Variants in MICU3 observed in about 807,000 individuals in gnomAD.
MICU3 encodes calcium uptake protein 3, mitochondrial.
In MICU3, 62 loss-of-function variants were observed where a neutral mutation model predicts 66.5. The observed-to-expected ratio is 0.93, with a 90% CI of 0.76 to 1.15. The LOEUF (loss-of-function observed/expected upper bound fraction) is 1.15. Ranked by LOEUF, MICU3 falls within the 50% of genes most tolerant of loss-of-function variation. MICU3 has a pLI of 0.00. For synonymous variants in MICU3, 308 were observed against 240.7 expected (o/e 1.28, Z -2.59); for missense variants, 779 against 664.4 (o/e 1.17, Z -1.90).
intron 1 of MICU3, among the ~76,000 whole-genome samples, chr8:17,062,536 G>T (rs1019525162): frequency 6.6e-6 from 1 of 152,156 alleles, no homozygotes; most frequent in Non-Finnish European, 1.5e-5. Context: ...CGTTTAATAA[G>T]ATGTAACTTA....
chr8:17,031,530 G>T (rs554633372), intron 1 of MICU3, among the ~76,000 whole-genome samples: 1 of 151,570 alleles, frequency 6.6e-6, no homozygotes, highest in East Asian at 1.9e-4. Context: ...CTCAAGTTCC[G>T]CCTGCCTCAG....
chr8:17,034,846 A>G (rs949952699), intron 1 of MICU3, among the ~76,000 whole-genome samples: 5 of 152,246 alleles, frequency 3.3e-5, no homozygotes, highest in Admixed American at 1.3e-4. Flanking sequence ...TGCTGTGAAC[A>G]TTGTTGAAAT....
At chr8:17,128,263 C>T in the MICU3 span, among the ~76,000 whole-genome samples, 1 of 149,866 alleles carries the variant, frequency 6.7e-6, no homozygotes, top group East Asian at 1.9e-4. Flanking sequence ...CACACACACA[C>T]ACACACCAGA....
chr8:17,064,178 G>A lies in MICU3; in HGVS notation c.476G>A (p.Gly159Glu), dbSNP rs151288641. Residue 159 changes from glycine (G) to glutamate (E), a missense_variant, in exon 2 of 15, where the codon GGG becomes GAG. By Grantham distance (98) the Gly-to-Glu change is moderately conservative. Coordinates refer to ENST00000318063, the MANE Select transcript of MICU3 (RefSeq NM_181723.3). ...FRLFASIECE[G>E]QLFMTPYDFI... ...TTATTTGCTTCTATAGAATGTGAAG[G>A]GCAGTTATTCATGACTCCGTATGAT... The A allele has an allele frequency of 8.2e-5, 132 of 1,612,920 alleles. No homozygotes were observed. In the Admixed American group the frequency reaches 2.2e-3, roughly 26 times the overall value.
chr8:17,092,910 T>C (rs1800229871), intron 8 of MICU3, among the ~76,000 whole-genome samples: 1 of 152,080 alleles, frequency 6.6e-6, no homozygotes, highest in Non-Finnish European at 1.5e-5. Context: ...AAGAGATTTA[T>C]AAGAGCCAGT....
chr8:17,120,197 T>C (rs1803093016), intron 14 of MICU3, 91 bp from the exon 15 acceptor site: 1 of 135,198 alleles, frequency 7.4e-6, no homozygotes, highest in Non-Finnish European at 1.6e-5. Context: ...ATTCCTTACG[T>C]TTCATATTAT....
chr8:17,027,600 C>A lies in MICU3; in HGVS notation c.321C>A (p.Pro107=), dbSNP rs943706903. ...CCTCAAAGAGCGCGGCCACGGAGCC[C>A]GAGGACCCGCCCCGCGGCCGGGGGA... The part of the protein sequence containing the change: ...GRPSKSAATE[P]EDPPRGRGML... Residue 107 remains proline (P), a synonymous_variant, in exon 1 of 15, where the codon CCC becomes CCA. Transcript: ENST00000318063. 1 of 1,302,470 alleles carries A rather than the reference C, an allele frequency of 7.7e-7. No individual in the cohort carries two copies. The highest frequency in any genetic ancestry group is 9.7e-7 in the Non-Finnish European group (1 of 1,029,304). The allele number at this position is 1,302,470 out of a possible 1,614,324, so 80.7% of individuals were successfully genotyped here.
intron 1 of MICU3, among the ~76,000 whole-genome samples, chr8:17,037,675 C>G (rs570565347): frequency 3.9e-5 from 6 of 152,180 alleles, no homozygotes; most frequent in Non-Finnish European, 8.8e-5. Context: ...GGCCACCATC[C>G]TCCAGACCCC....
chr8:17,091,916 T>C (rs981739534), intron 8 of MICU3, among the ~76,000 whole-genome samples: 2 of 152,096 alleles, frequency 1.3e-5, no homozygotes, highest in African/African-American at 4.8e-5. Context: ...TTTTGCTCTG[T>C]CGCCCAGCTG....
At chr8:17,094,546 C>T (rs562582113) in intron 8 of MICU3, among the ~76,000 whole-genome samples, 5 of 152,044 alleles carry the variant, frequency 3.3e-5, no homozygotes, top group African/African-American at 9.6e-5. Flanking sequence ...GCTGGTTTCT[C>T]GTAGCTGTTT....
At chr8:17,090,682 T>G (rs766272025) in intron 8 of MICU3, 98 bp downstream of exon 8, 1 of 901,174 alleles carries the variant, frequency 1.1e-6, no homozygotes. Context: ...TGCTGTTTAC[T>G]AATAGAATGT....
the MICU3 span, chr8:17,132,599 C>T: frequency 6.6e-6 from 1 of 152,186 alleles, no homozygotes; most frequent in East Asian, 1.9e-4. Flanking sequence ...TAGAGCAATC[C>T]ACCTTTCTGC....
chr8:17,079,521 T>A (rs887153071), intron 4 of MICU3, among the ~76,000 whole-genome samples: 3 of 152,100 alleles, frequency 2.0e-5, no homozygotes, highest in Admixed American at 6.6e-5. Context: ...TATTGAAGAC[T>A]AATTTTATTT....
chr8:17,041,522 G>T (rs902585929), intron 1 of MICU3, among the ~76,000 whole-genome samples: 1 of 152,098 alleles, frequency 6.6e-6, no homozygotes, highest in Admixed American at 6.5e-5. Flanking sequence ...AGTGAGGTAA[G>T]TGTTGACAGC....
chr8:17,031,866 T>C (rs1001162451), intron 1 of MICU3, among the ~76,000 whole-genome samples: 1 of 152,174 alleles, frequency 6.6e-6, no homozygotes, highest in Non-Finnish European at 1.5e-5. Flanking sequence ...CCTGACTCTA[T>C]AGATTTGTTG....
chr8:17,113,412 A>C (rs1802386330), intron 11 of MICU3, among the ~76,000 whole-genome samples: 1 of 152,252 alleles, frequency 6.6e-6, no homozygotes, highest in Non-Finnish European at 1.5e-5. Context: ...CTGAAGTAAC[A>C]GCAGTGGCAA....
chr8:17,095,476 T>C lies in MICU3; in HGVS notation c.889-2982T>C, dbSNP rs1034229502. Among the ~76,000 whole-genome samples the C allele has an allele frequency of 3.9e-5, 6 of 151,934 alleles. No homozygotes were observed. In the South Asian group the frequency reaches 8.3e-4, roughly 21 times the overall value. On this transcript the variant is annotated intron_variant, in intron 8 of 14. Transcript: ENST00000318063. ...GAATTATAAAGATATAGTTTTAATATGTGTGTGTGTTTGTCTGTGTTTAAA... is the reference window on the plus strand; with the variant it reads ...GAATTATAAAGATATAGTTTTAATACGTGTGTGTGTTTGTCTGTGTTTAAA...
At chr8:17,042,870 T>A (rs1444387858) in intron 1 of MICU3, among the ~76,000 whole-genome samples, 1 of 151,834 alleles carries the variant, frequency 6.6e-6, no homozygotes, top group Non-Finnish European at 1.5e-5. Context: ...ATATTTGCAT[T>A]GTCCCTTTTC....
rs996932409 is a variant in MICU3 at position 17,120,281 on chromosome 8, T to A, written c.*1-7T>A. 2.0e-5 allele frequency: 3 copies of A among 152,148 alleles called. No individual in the cohort carries two copies. Among genetic ancestry groups the A allele is most frequent in the South Asian group, 2.1e-4 (1 of 4,834 alleles). The allele number at this position is 152,148 out of a possible 1,614,324, so 9.4% of individuals were successfully genotyped here. On this transcript the variant is annotated splice_region_variant and splice_polypyrimidine_tract_variant and intron_variant, in intron 14 of 14. Transcript: ENST00000318063. The stretch of plus-strand genomic sequence containing the variant: ...ATTGCTTTTGTGTTATTATTTTTTT[T>A]AATTAGATACTCCTAAAACAAAGTT...
Sources: allele counts gnomAD v4.1 joint callset (sites outside exome capture counted in the v4.1 genomes callset), GRCh38; gene constraint gnomAD v4.1.1; transcripts MANE v1.5; gene names NCBI Gene and HGNC (gene_info 2026-07-23, HGNC 2026-07-21).